Variants in HSPBAP1 observed in about 807,000 individuals in gnomAD.
The protein encoded by HSPBAP1 is HSPB1-associated protein 1.
In HSPBAP1, 27 loss-of-function variants were observed where a neutral mutation model predicts 45.2. The ratio of observed to expected loss-of-function variants is 0.60; its 90% confidence interval spans 0.44 to 0.82. HSPBAP1 has a LOEUF of 0.82. HSPBAP1 is among the 40% of genes least tolerant of loss of function. The pLI is 0.00. For missense variants in HSPBAP1, 510 were observed against 590.9 expected, an observed-to-expected ratio of 0.86 and a Z score of 1.42; for synonymous variants, 204 against 202.7, an observed-to-expected ratio of 1.01 and a Z score of -0.06.
chr3:122,751,564 A>G (rs554894223), intron 6 of HSPBAP1, among the ~76,000 whole-genome samples: 1 of 152,350 alleles, frequency 6.6e-6, no homozygotes, highest in East Asian at 1.9e-4. Context: ...GTATTTTCAA[A>G]TATTTTAAAA....
At chr3:122,793,526 G>T in intron 1 of HSPBAP1, 91 bp downstream of exon 1, 1 of 1,091,310 alleles carries the variant, frequency 9.2e-7, no homozygotes, top group Non-Finnish European at 1.4e-6. Flanking sequence ...GACCTGGGTT[G>T]GGGCTAAGGC....
rs553463408 is a variant in HSPBAP1 at position 122,778,223 on chromosome 3, T to G, written c.65-317A>C. Among the ~76,000 whole-genome samples the G allele has an allele frequency of 1.3e-4, 20 of 151,366 alleles. No individual in the cohort carries two copies. The East Asian group carries it at 3.3e-3, about 25-fold the overall frequency. On this transcript the variant is annotated intron_variant, in intron 1 of 7. Coordinates refer to ENST00000306103, the MANE Select transcript of HSPBAP1 (RefSeq NM_024610.6). ...AACAGGTAGTTTTTTTTGTTGTTTT[T>G]TTTTTTTAATGTGTATAGTGTTTTC...
chr3:122,740,702 T>C lies in HSPBAP1; in HGVS notation c.1110A>G (p.Thr370=). The change falls in exon 8 of 8, where the codon ACA becomes ACG. Residue 370 remains threonine, a synonymous_variant. Coordinates refer to ENST00000306103, the MANE Select transcript of HSPBAP1 (RefSeq NM_024610.6). Reference sequence around the variant, plus strand: ...TTCCTGTGGTCAAGTTCTGGCTACCTGTTTGGCCCACCTCCATGTGGTTGC... The same window carrying C: ...TTCCTGTGGTCAAGTTCTGGCTACCCGTTTGGCCCACCTCCATGTGGTTGC... ...NVCNHMEVGQ[T]GSQNLTTGTD... The C allele has an allele frequency of 6.2e-7, 1 of 1,614,084 alleles. No individual in the cohort carries two copies. Among genetic ancestry groups the C allele is most frequent in the Non-Finnish European group, 8.5e-7 (1 of 1,180,026 alleles).
chr3:122,742,431 G>A (rs796870317), intron 6 of HSPBAP1, among the ~76,000 whole-genome samples: 2 of 152,282 alleles, frequency 1.3e-5, no homozygotes, highest in South Asian at 4.1e-4. Flanking sequence ...TGGTGAGGAT[G>A]CAGAGAAATC....
chr3:122,743,106 G>T (rs2107494702), intron 6 of HSPBAP1, among the ~76,000 whole-genome samples: 1 of 152,312 alleles, frequency 6.6e-6, no homozygotes, highest in South Asian at 2.1e-4. Context: ...TATACCATAA[G>T]ATTTAGCCAG....
intron 5 of HSPBAP1, chr3:122,753,395 T>A (rs146998327): frequency 3.7e-6 from 2 of 544,842 alleles, no homozygotes; most frequent in Non-Finnish European, 4.4e-6. Flanking sequence ...CTTCAGAATC[T>A]AGATTTTATC....
At chr3:122,745,185 C>T (rs1933802975) in intron 6 of HSPBAP1, among the ~76,000 whole-genome samples, 1 of 151,754 alleles carries the variant, frequency 6.6e-6, no homozygotes, top group South Asian at 2.1e-4. Flanking sequence ...CCCCACCCCA[C>T]AATTATAGGC....
At chr3:122,747,492 G>C (rs944676970) in intron 6 of HSPBAP1, among the ~76,000 whole-genome samples, 2 of 151,068 alleles carry the variant, frequency 1.3e-5, no homozygotes, top group Non-Finnish European at 3.0e-5. Flanking sequence ...AGGTCGGGGG[G>C]GTCAGCCCCC....
intron 6 of HSPBAP1, among the ~76,000 whole-genome samples, chr3:122,747,713 G>A (rs1933951005): frequency 6.6e-6 from 1 of 150,652 alleles, no homozygotes; most frequent in Non-Finnish European, 1.5e-5. Context: ...ACTGGGAAGT[G>A]AGGAGCCCCT....
intron 6 of HSPBAP1, among the ~76,000 whole-genome samples, chr3:122,751,181 T>C (rs898727140): frequency 2.6e-5 from 4 of 152,228 alleles, no homozygotes; most frequent in Non-Finnish European, 5.9e-5. Context: ...TTAGGCACTA[T>C]ATATTAAGAG....
Position 122,747,668 on chromosome 3 carries a change from C to T in HSPBAP1, c.825+4923G>A, listed in dbSNP as rs1432549813. 2.2e-4 allele frequency among the ~76,000 whole-genome samples: 32 copies of T among 142,336 alleles called. 1 individual carries two copies. In the East Asian group the frequency reaches 5.7e-3, roughly 25 times the overall value. The allele number at this position is 142,336 out of a possible 152,430, so 93.4% of individuals were successfully genotyped here. The stretch of plus-strand genomic sequence containing the variant: ...CCCCCGCCCGGCCAGCCGCCCCGTC[C>T]GGGAGGTGAGGGGCGCCTCTGCCCA... On this transcript the variant is annotated intron_variant, in intron 6 of 7. Transcript: ENST00000306103.
At chr3:122,755,974 G>A (rs1209380590) in intron 4 of HSPBAP1, among the ~76,000 whole-genome samples, 1 of 152,124 alleles carries the variant, frequency 6.6e-6, no homozygotes, top group Non-Finnish European at 1.5e-5. Flanking sequence ...AAATAAAGCA[G>A]TATAATATAG....
At chr3:122,771,636 T>G (rs572589976) in intron 2 of HSPBAP1, among the ~76,000 whole-genome samples, 4 of 152,368 alleles carry the variant, frequency 2.6e-5, no homozygotes, top group African/African-American at 9.6e-5. Flanking sequence ...TGCTTTCAGA[T>G]GTTCAGGGTT....
intron 1 of HSPBAP1, 108 bp from the exon 2 acceptor site, chr3:122,778,014 A>G (rs1321089539): frequency 2.8e-6 from 2 of 724,018 alleles, no homozygotes; most frequent in Non-Finnish European, 4.6e-6. Flanking sequence ...ATCATTCTCT[A>G]CAATTACAAT....
In HSPBAP1 at chr3:122,756,667, C is replaced by T. The variant is rs1934367510; in HGVS notation, c.570-1236G>A. Among the ~76,000 whole-genome samples the T allele has an allele frequency of 2.0e-5, 3 of 150,130 alleles. 1 individual carries two copies. The highest frequency in any genetic ancestry group is 2.0e-4 in the Admixed American group (3 of 15,038). On this transcript the variant is annotated intron_variant, in intron 4 of 7. Coordinates refer to ENST00000306103, the MANE Select transcript of HSPBAP1 (RefSeq NM_024610.6). ...GAGCTATGATTGTGCCACTGCACTC[C>T]AGCCTGGGTGACAAAGCAAAACCTT...
intron 3 of HSPBAP1, among the ~76,000 whole-genome samples, chr3:122,764,319 T>G (rs1373139679): frequency 6.6e-6 from 1 of 152,240 alleles, no homozygotes; most frequent in Non-Finnish European, 1.5e-5. Flanking sequence ...TGTTTTGACT[T>G]AAACCCCTAG....
At chr3:122,762,447 T>C (rs1934626259) in intron 3 of HSPBAP1, among the ~76,000 whole-genome samples, 1 of 152,064 alleles carries the variant, frequency 6.6e-6, no homozygotes, top group Non-Finnish European at 1.5e-5. Flanking sequence ...CCGCACATCA[T>C]ACCATTAATG....
At chr3:122,781,372 GCGAAA>G (rs890827247) in intron 1 of HSPBAP1, among the ~76,000 whole-genome samples, 1 of 152,266 alleles carries the variant, frequency 6.6e-6, no homozygotes, top group African/African-American at 2.4e-5. Flanking sequence ...GGCCAACACA[GCGAAA>G]CCCCGTCTCC....
chr3:122,773,454 G>A (rs1197524463), intron 2 of HSPBAP1, among the ~76,000 whole-genome samples: 1 of 151,698 alleles, frequency 6.6e-6, no homozygotes, highest in African/African-American at 2.4e-5. Context: ...GATTACAGGC[G>A]TGCACCACCA....
Sources: gnomAD v4.1 joint callset for allele counts (sites outside exome capture counted in the v4.1 genomes callset) on GRCh38, gnomAD v4.1.1 for gene constraint, MANE v1.5 for transcripts, NCBI Gene and HGNC (gene_info 2026-07-23, HGNC 2026-07-21) for gene names.